EPB42: variants seen among roughly 807,000 people sequenced by gnomAD.
EPB42 encodes the protein erythrocyte membrane protein band 4.2, also known as protein 4.2.
Under a neutral mutation model 76.9 loss-of-function variants are expected in EPB42, and 49 were observed. The observed-to-expected ratio is 0.64, with a 90% CI of 0.51 to 0.81. The LOEUF (loss-of-function observed/expected upper bound fraction) is 0.81, where lower values mean the gene tolerates loss of function less well. EPB42 is among the 30% of genes least tolerant of loss of function. The pLI is 0.00. For synonymous variants in EPB42, 310 were observed against 338.4 expected, an observed-to-expected ratio of 0.92 and a Z score of 0.92; for missense variants, 731 against 867.6, an observed-to-expected ratio of 0.84 and a Z score of 1.98.
At chr15:43,211,015 A>C (rs1045946425) in intron 4 of EPB42, among the ~76,000 whole-genome samples, 1 of 151,986 alleles carries the variant, frequency 6.6e-6, no homozygotes, top group African/African-American at 2.4e-5. Context: ...GCTTGCCAGG[A>C]GATAAGAGTG....
At chr15:43,225,001 G>A (rs2042494924), upstream of EPB42, among the ~76,000 whole-genome samples, 1 of 152,182 alleles carries the variant, frequency 6.6e-6, no homozygotes, top group Non-Finnish European at 1.5e-5. Context: ...CTTGAACTCC[G>A]GTGCTCAAGT....
Position 43,209,303 on chromosome 15 carries a change from G to A in EPB42, c.803C>T (p.Ala268Val). The change falls in exon 6 of 13, where the codon GCC (alanine) becomes GTC (valine). Residue 268 changes from alanine to valine, a missense_variant. By Grantham distance (64) the Ala-to-Val change is moderately conservative (BLOSUM62 0). Coordinates refer to ENST00000441366, the MANE Select transcript of EPB42 (RefSeq NM_001114134.2). ...GCAAGCAACAGCAGCCAACACCCAG[G>A]CCTGGCCATCATACACAGGTCGGCC... ...GRGRPVYDGQ[A>V]WVLAAVACTV... is the part of the protein sequence containing the mutation. 6.2e-7 allele frequency: 1 copy of A among 1,614,158 alleles called. No individual in the cohort carries two copies.
intron 3 of EPB42, 110 bp downstream of exon 3, chr15:43,214,985 A>T: frequency 1.1e-6 from 1 of 925,770 alleles, no homozygotes; most frequent in Non-Finnish European, 1.7e-6. Context: ...TGCTGTCCTT[A>T]GAGAGGGCTG....
chr15:43,207,549 G>C, intron 8 of EPB42, 108 bp from the exon 9 acceptor site: 1 of 1,561,452 alleles, frequency 6.4e-7, no homozygotes, highest in Non-Finnish European at 8.7e-7. Flanking sequence ...CCCTCCACGA[G>C]GACCAAGGTC....
Position 43,209,343 on chromosome 15 carries a change from A to G in EPB42, c.763T>C (p.Trp255Arg), listed in dbSNP as rs1438594006. The change falls in exon 6 of 13, where the codon TGG becomes CGG. Residue 255 changes from tryptophan to arginine, a missense_variant. By Grantham distance (101) the Trp-to-Arg change is moderately radical. Coordinates refer to ENST00000441366, the MANE Select transcript of EPB42 (RefSeq NM_001114134.2). Reference sequence around the variant, plus strand: ...ACAGGTCGGCCTCGGCCGGTGAGCCACTGCCGCAGGATGGGCACGCTGCCC... The same window carrying G: ...ACAGGTCGGCCTCGGCCGGTGAGCCGCTGCCGCAGGATGGGCACGCTGCCC... ...RRGSVPILRQWLTGRGRPVYD... is the reference protein window; with the variant it reads ...RRGSVPILRQRLTGRGRPVYD... The G allele has an allele frequency of 1.1e-5, 17 of 1,614,112 alleles. No homozygotes were observed. The highest frequency in any genetic ancestry group is 1.4e-5 in the Non-Finnish European group (17 of 1,180,016).
chr15:43,214,483 G>C (rs926621050), intron 3 of EPB42, among the ~76,000 whole-genome samples: 1 of 152,220 alleles, frequency 6.6e-6, no homozygotes, highest in Non-Finnish European at 1.5e-5. Flanking sequence ...AGCCGGAAGA[G>C]AGGAGCAAAG....
chr15:43,220,647 A>ACCC, intron 1 of EPB42, 169 bp downstream of exon 1: 4 of 756,668 alleles, frequency 5.3e-6, no homozygotes, highest in South Asian at 2.7e-5. Context: ...CCCACCTACC[A>ACCC]CACCCCCCCC....
rs1231849441 is a variant in EPB42, at chr15:43,203,159, C to T, written c.1735G>A (p.Ala579Thr). The T allele has an allele frequency of 6.8e-6, 11 of 1,613,846 alleles. No individual in the cohort carries two copies. The highest frequency in any genetic ancestry group is 9.3e-6 in the Non-Finnish European group (11 of 1,180,018). ...CTACAAATGGCAATGTCTTCCTGAG[C>T]AAAGCAGCTAAGGTTGGATTCAGAG... is the stretch of plus-strand genomic sequence containing the variant. ...THSESNLSCF[A>T]QEDIAICRPH... Residue 579 changes from alanine to threonine, a missense_variant, in exon 11 of 13, where the codon GCT becomes ACT. Transcript: ENST00000441366.
chr15:43,215,011 G>A (rs2042355949), intron 3 of EPB42, 84 bp downstream of exon 3: 1 of 1,184,812 alleles, frequency 8.4e-7, no homozygotes, highest in South Asian at 1.3e-5. Context: ...GGGGCCTGGT[G>A]CAGGTGCTCC....
chr15:43,205,210 C>T (rs774979733), intron 10 of EPB42, among the ~76,000 whole-genome samples: 33 of 152,180 alleles, frequency 2.2e-4, no homozygotes, highest in African/African-American at 6.5e-4. Context: ...CCAGTTCTCA[C>T]GCCACTCTCC....
upstream of EPB42, among the ~76,000 whole-genome samples, chr15:43,221,987 A>G (rs574182973): frequency 3.9e-5 from 6 of 152,176 alleles, no homozygotes; most frequent in East Asian, 1.2e-3. Flanking sequence ...TACTAAAAAT[A>G]CAAAAATTAG....
chr15:43,221,090 G>T, upstream of EPB42: 1 of 492,774 alleles, frequency 2.0e-6, no homozygotes. Context: ...CTTGTGCCAG[G>T]AGGCCCAGGC....
At chr15:43,224,502 TAAAA>T (rs879928760), upstream of EPB42, among the ~76,000 whole-genome samples, 1 of 144,668 alleles carries the variant, frequency 6.9e-6, no homozygotes, top group South Asian at 2.2e-4. Flanking sequence ...TGCTCTCACT[TAAAA>T]AAAAAAAAGT....
chr15:43,223,903 G>A (rs147128171), upstream of EPB42, among the ~76,000 whole-genome samples: 7 of 152,300 alleles, frequency 4.6e-5, no homozygotes, highest in Middle Eastern at 3.4e-3. Context: ...GACCTGGTGG[G>A]TGGAGGTTGC....
intron 1 of EPB42, 138 bp from the exon 2 acceptor site, chr15:43,216,591 T>A: frequency 2.3e-6 from 2 of 852,430 alleles, no homozygotes; most frequent in Non-Finnish European, 3.8e-6. Flanking sequence ...CCCAGGCAAG[T>A]AACTTAACCA....
chr15:43,207,980 C>G (rs1386428728), intron 8 of EPB42, among the ~76,000 whole-genome samples: 1 of 152,224 alleles, frequency 6.6e-6, no homozygotes, highest in African/African-American at 2.4e-5. Flanking sequence ...TCACTGTGAC[C>G]CAACTCCCTC....
chr15:43,206,151 T>A lies in EPB42; in HGVS notation c.1618+179A>T, dbSNP rs2042200377. ...AGTTGGCATCGTGTTTTTTTCCTGC[T>A]TCAGGCCCAATAAATATGTGTTGAA... On this transcript the variant is annotated intron_variant, in intron 10 of 12. Coordinates refer to ENST00000441366, the MANE Select transcript of EPB42 (RefSeq NM_001114134.2). This position sits in a 1 kb window ranked among gnomAD's most constrained non-coding sequence, Gnocchi z 4.7. 1 of 668,240 alleles carries A rather than the reference T, an allele frequency of 1.5e-6. No homozygotes were observed. Among genetic ancestry groups the A allele is most frequent in the Non-Finnish European group, 2.4e-6 (1 of 413,848 alleles). The allele number at this position is 668,240 out of a possible 1,614,324, so 41.4% of individuals were successfully genotyped here. A position where few individuals can be genotyped will look rare whatever the true frequency, so the allele number is the denominator to read the frequency against.
intron 8 of EPB42, 35 bp downstream of exon 8, chr15:43,208,195 C>T (rs762535337): frequency 2.5e-6 from 4 of 1,589,284 alleles, no homozygotes; most frequent in East Asian, 2.2e-5. Context: ...CTCTGTGCAG[C>T]CCTGCGTGGT....
rs117151598 is a variant in EPB42, at chr15:43,218,301, T to C, written c.11-1848A>G. Among the ~76,000 whole-genome samples the C allele has an allele frequency of 5.5e-4, 84 of 152,276 alleles. 2 individuals carry two copies. In the East Asian group the frequency reaches 0.015, roughly 28 times the overall value. On this transcript the variant is annotated intron_variant, in intron 1 of 12. Coordinates refer to ENST00000441366, the MANE Select transcript of EPB42 (RefSeq NM_001114134.2). ...CCTCCGTGTATCCGAACCCACGTAA[T>C]GACCATAGTGTTACGGCAAGAGTCA... is the stretch of plus-strand genomic sequence containing the variant.
Sources: gnomAD v4.1 joint callset for allele counts (sites outside exome capture counted in the v4.1 genomes callset) on GRCh38, gnomAD v4.1.1 for gene constraint, Gnocchi (gnomAD v3.1) non-coding constraint, MANE v1.5 for transcripts, NCBI Gene and HGNC (gene_info 2026-07-23, HGNC 2026-07-21) for gene names.